The following TUBB8 variants were observed in gnomAD, a reference collection of about 807,000 sequenced individuals.
TUBB8 encodes tubulin beta 8 class VIII.
Under a neutral mutation model 33.7 loss-of-function variants are expected in TUBB8, and 25 were observed. The ratio of observed to expected loss-of-function variants is 0.74; its 90% CI spans 0.54 to 1.04. The LOEUF is 1.04. Among genes scored for constraint, TUBB8 ranks in the 50% least tolerant of loss-of-function variants. The pLI, the probability that TUBB8 is intolerant of heterozygous loss-of-function variation, is 0.00. For synonymous variants in TUBB8, 245 were observed against 240.1 expected (o/e 1.02, Z -0.19); for missense variants, 279 against 608.0 (o/e 0.46, Z 5.69).
Position 47,864 on chromosome 10 carries a change from C to G in TUBB8, c.528G>C (p.Ser176=), listed in dbSNP as rs9329304. 6.2e-7 allele frequency: 1 copy of G among 1,601,454 alleles called. No homozygotes were observed. The highest frequency in any genetic ancestry group is 1.4e-5 in the African/African-American group (1 of 69,102). The change falls in exon 4 of 4, where the codon TCG becomes TCC. Residue 176 remains serine, a synonymous_variant. Transcript: ENST00000568584. ...TFSILPSPKV[S]DTVVEPYNAT... ...CGTTGTAGGGCTCCACCACGGTGTC[C>G]GACACCTTGGGCGAGGGCAGGATGC... is the stretch of plus-strand genomic sequence containing the variant.
At chr10:52,254 A>C (rs1283314898), upstream of TUBB8, among the ~76,000 whole-genome samples, 1 of 152,120 alleles carries the variant, frequency 6.6e-6, no homozygotes, top group East Asian at 1.9e-4. Context: ...ATGACCCTAA[A>C]ACACAGCCCA....
At chr10:55,759 GTA>G (rs1564208254) in intron 1 of TUBB8, among the ~76,000 whole-genome samples, 1 of 152,154 alleles carries the variant, frequency 6.6e-6, no homozygotes, top group African/African-American at 2.4e-5. Context: ...ATTTTTTGTT[GTA>G]TGTTATCAAC....
chr10:48,016 T>G lies in TUBB8; in HGVS notation c.376A>C (p.Ser126Arg). The change falls in exon 4 of 4, where the codon AGC becomes CGC. Residue 126 changes from serine (S) to arginine (R), a missense_variant. Physicochemically the swap from Ser to Arg is moderately radical, Grantham distance 110. This residue lies in a region of TUBB8 where 96 missense variants were observed against 233.7 expected (regional missense o/e 0.41). Coordinates refer to ENST00000568584, the MANE Select transcript of TUBB8 (RefSeq NM_177987.3). ...VMDVVRKEAE[S>R]CDCLQGFQLT... ...TGGAAACCCTGCAGGCAGTCACAGC[T>G]CTCAGCCTCCTTTCTGACAACGTCC... 1 of 1,613,944 alleles carries G rather than the reference T, an allele frequency of 6.2e-7. No homozygotes were observed. Among genetic ancestry groups the G allele is most frequent in the East Asian group, 2.2e-5 (1 of 44,872 alleles).
chr10:70,645 G>T (rs1167282501), intron 1 of TUBB8, among the ~76,000 whole-genome samples: 1 of 152,018 alleles, frequency 6.6e-6, no homozygotes, highest in East Asian at 1.9e-4. Flanking sequence ...TTTGAGAACG[G>T]CATGGCCAAC....
In TUBB8 at chr10:46,973, T is replaced by G. The variant is rs1834338568; in HGVS notation, c.*84A>C. ...CAGCAGGAGATGTGAAGACACAAAT[T>G]AACAAGCGTATAGTGACACATGGCT... On this transcript the variant is annotated 3_prime_UTR_variant, in exon 4 of 4. Coordinates refer to ENST00000568584, the MANE Select transcript of TUBB8 (RefSeq NM_177987.3). 1 of 602,662 alleles carries G rather than the reference T, an allele frequency of 1.7e-6. No homozygotes were observed. The highest frequency in any genetic ancestry group is 2.9e-6 in the Non-Finnish European group (1 of 343,502). The allele number at this position is 602,662 out of a possible 1,614,324, so 37.3% of individuals were successfully genotyped here.
At chr10:74,046 C>G in exon 1 of TUBB8, 1 of 154,798 alleles carries the variant, frequency 6.5e-6, no homozygotes. Context: ...TCCCAAGCCC[C>G]GGCCCCTCCT....
upstream of TUBB8, among the ~76,000 whole-genome samples, chr10:51,079 G>C (rs1167972195): frequency 3.9e-5 from 6 of 152,240 alleles, no homozygotes; most frequent in Admixed American, 3.9e-4. Flanking sequence ...CAGGGGATGG[G>C]TCTTTCCCAT....
chr10:48,536 G>C (rs782137050), intron 3 of TUBB8, 79 bp downstream of exon 3: 213 of 1,382,486 alleles, frequency 1.5e-4, no homozygotes, highest in Admixed American at 4.4e-4. Context: ...ACAGTTCCCA[G>C]AGGATGACCT....
At chr10:72,243 A>T (rs1486981861) in intron 1 of TUBB8, among the ~76,000 whole-genome samples, 6 of 142,706 alleles carry the variant, frequency 4.2e-5, no homozygotes, top group Admixed American at 1.4e-4. Context: ...AAACAAAAAA[A>T]TTTTTTTAAT....
rs1554737925 is a variant in TUBB8, at chr10:47,031, C to T, written c.*26G>A. The T allele has an allele frequency of 5.4e-6, 4 of 745,690 alleles. No homozygotes were observed. The allele number at this position is 745,690 out of a possible 1,614,324, so 46.2% of individuals were successfully genotyped here. ...CACAGTAAAGAATCCACACTGCTTC[C>T]CCCCTTTACCTAGAAAAGGAGAGTT... On this transcript the variant is annotated 3_prime_UTR_variant, in exon 4 of 4. Coordinates refer to ENST00000568584, the MANE Select transcript of TUBB8 (RefSeq NM_177987.3).
intron 1 of TUBB8, among the ~76,000 whole-genome samples, chr10:61,379 G>A (rs1474172959): frequency 6.6e-6 from 1 of 152,114 alleles, no homozygotes; most frequent in African/African-American, 2.4e-5. Context: ...GATCATTCAA[G>A]AGCATATTGT....
Position 47,401 on chromosome 10 carries a change from A to C in TUBB8, c.991T>G (p.Phe331Val). ...CTGCTGTTCTTATCTTGAATGTTGA[A>C]CATTTGTTCATCCACCTCCCTCATG... ...MPMREVDEQM[F>V]NIQDKNSSYF... The change falls in exon 4 of 4, where the codon TTC becomes GTC. Residue 331 changes from phenylalanine to valine, a missense_variant. By Grantham distance (50) the Phe-to-Val change is conservative. Transcript: ENST00000568584. 1 of 1,612,440 alleles carries C rather than the reference A, an allele frequency of 6.2e-7. No homozygotes were observed. Among genetic ancestry groups the C allele is most frequent in the South Asian group, 1.1e-5 (1 of 90,980 alleles).
upstream of TUBB8, among the ~76,000 whole-genome samples, chr10:75,839 C>T (rs1460641527): frequency 1.3e-5 from 2 of 151,848 alleles, no homozygotes; most frequent in African/African-American, 2.4e-5. Context: ...ACAAATAAGC[C>T]TTAAAACACC....
At chr10:76,186 G>C (rs1381039555), upstream of TUBB8, among the ~76,000 whole-genome samples, 3 of 149,216 alleles carry the variant, frequency 2.0e-5, 1 homozygote, top group African/African-American at 7.4e-5. Flanking sequence ...GGGGGCGTCT[G>C]TTTCCTCGGC....
rs138531541 is a variant in TUBB8, at chr10:64,142, G to A, written c.-846+9827C>T. ...CTGAGGCATGTGGAGCTGGAGTTGG[G>A]GTAACATAAGCACCCCTGAGGCCAC... On this transcript the variant is annotated intron_variant, in intron 1 of 3. Coordinates refer to the TUBB8 transcript ENST00000564130. Among the ~76,000 whole-genome samples the A allele has an allele frequency of 6.8e-3, 1,031 of 152,114 alleles. 12 individuals carry two copies. Among genetic ancestry groups the A allele is most frequent in the African/African-American group, 0.023 (974 of 41,486 alleles).
intron 1 of TUBB8, 116 bp from the exon 2 acceptor site, chr10:49,028 G>A (rs1302102369): frequency 1.6e-6 from 2 of 1,233,892 alleles, no homozygotes; most frequent in Non-Finnish European, 2.3e-6. Context: ...TGTCCCTGGG[G>A]TCCACCCCGG....
chr10:72,626 G>T (rs576622921), intron 1 of TUBB8, among the ~76,000 whole-genome samples: 2 of 151,934 alleles, frequency 1.3e-5, no homozygotes, highest in Admixed American at 1.3e-4. Flanking sequence ...GGCCAAGGCG[G>T]GTGGCCACGA....
At position 48,637 on chromosome 10, in the gene TUBB8, G is replaced by A. The variant is rs1834407139; in HGVS notation, c.255C>T (p.Phe85=). The part of the protein sequence containing the change: ...SVRSGPFGQV[F]RPDNFIFGQC... ...CACCGAAGATGAAGTTGTCTGGCCT[G>A]AAGACCTGCCCGAAGGGCCCCGAGC... The change falls in exon 3 of 4, where the codon TTC becomes TTT. Residue 85 remains phenylalanine, a synonymous_variant. Transcript: ENST00000568584. 1.2e-5 allele frequency: 19 copies of A among 1,612,200 alleles called. No homozygotes were observed. The highest frequency in any genetic ancestry group is 2.7e-5 in the African/African-American group (2 of 74,876).
upstream of TUBB8, among the ~76,000 whole-genome samples, chr10:52,867 TA>T (rs1320642640): frequency 6.6e-6 from 1 of 152,200 alleles, no homozygotes; most frequent in Non-Finnish European, 1.5e-5. Context: ...TCATGTGTAT[TA>T]AACTAGAAGC....
Sources: allele counts gnomAD v4.1 joint callset (sites outside exome capture counted in the v4.1 genomes callset), GRCh38; gene constraint gnomAD v4.1.1; regional missense constraint gnomAD v4.1.1; transcripts MANE v1.5; gene names NCBI Gene and HGNC (gene_info 2026-07-23, HGNC 2026-07-21).